PRDM15: variants seen among roughly 807,000 people sequenced by gnomAD.
The protein encoded by PRDM15 is PR/SET domain 15.
A neutral mutation model predicts 128.6 loss-of-function variants in PRDM15; 64 were observed. That is an observed-to-expected ratio of 0.50 (90% CI 0.41 to 0.61). The LOEUF (loss-of-function observed/expected upper bound fraction) is 0.61, where lower values mean the gene tolerates loss of function less well. Ranked by LOEUF, PRDM15 falls within the 20% of genes least tolerant of loss-of-function variation. The pLI, the probability that PRDM15 is intolerant of heterozygous loss-of-function variation, is 0.00. For synonymous variants in PRDM15, 615 were observed against 621.8 expected, an observed-to-expected ratio of 0.99 and a Z score of 0.16; for missense variants, 1,242 against 1,569.1, an observed-to-expected ratio of 0.79 and a Z score of 3.52.
In PRDM15 at chr21:41,804,542, T is replaced by C. The variant is rs1163230886; in HGVS notation, c.2725A>G (p.Ile909Val). ...TTTIDASSIG[I>V]VQPELTLEQE... is the part of the protein sequence containing the mutation. ...GGCCCCATGCTGCTCACCTGGACGA[T>C]GCCAATGGAGGAGGCGTCGATGGTG... Residue 909 changes from isoleucine to valine, a missense_variant, in exon 22 of 24, where the codon ATC becomes GTC. Physicochemically the swap from Ile to Val is conservative, Grantham distance 29 (BLOSUM62 3). Coordinates refer to ENST00000398548, the MANE Select transcript of PRDM15 (RefSeq NM_001040424.3). The C allele has an allele frequency of 1.3e-6, 2 of 1,566,744 alleles. No homozygotes were observed. The highest frequency in any genetic ancestry group is 1.7e-6 in the Non-Finnish European group (2 of 1,155,222).
At chr21:41,848,097 G>A (rs1236927169) in intron 5 of PRDM15, among the ~76,000 whole-genome samples, 12 of 152,162 alleles carry the variant, frequency 7.9e-5, no homozygotes, top group East Asian at 5.8e-4. Flanking sequence ...CTCTAATCAC[G>A]ATACAGCCTG....
chr21:41,839,246 CTGCCT>C (rs1169204787), intron 7 of PRDM15, among the ~76,000 whole-genome samples: 1 of 152,188 alleles, frequency 6.6e-6, no homozygotes, highest in Non-Finnish European at 1.5e-5. Context: ...AGGCTGTAAG[CTGCCT>C]GAAGGAGGCA....
At chr21:41,861,542 C>A (rs7280316) in intron 1 of PRDM15, 25 of 1,564,178 alleles carry the variant, frequency 1.6e-5, no homozygotes, top group East Asian at 9.1e-5. Context: ...CTGCCCCCCC[C>A]CAATCCCCAA....
At chr21:41,834,091 C>T (rs2839387) in intron 11 of PRDM15, among the ~76,000 whole-genome samples, 4,782 of 152,276 alleles carry the variant, frequency 0.031, 228 homozygotes, top group African/African-American at 0.11. Context: ...GGAGGTGCGG[C>T]ACACTGGAAA....
chr21:41,820,339 C>T (rs150221509), intron 16 of PRDM15, among the ~76,000 whole-genome samples, 165 bp from the exon 17 acceptor site: 192 of 152,310 alleles, frequency 1.3e-3, no homozygotes, highest in African/African-American at 4.4e-3. Context: ...AATCGTAACC[C>T]CCCGAATTCC....
Position 41,810,437 on chromosome 21 carries a change from G to T in PRDM15, c.2477-108C>A. On this transcript the variant is annotated intron_variant, in intron 20 of 23. Transcript: ENST00000398548. This position sits in a 1 kb window ranked among gnomAD's most constrained non-coding sequence, Gnocchi z 6.4. ...GCCTGCTGGACGAGGCAAGAAGCCT[G>T]TCACGCCCCGCCCATCCTGAGAGGG... The T allele has an allele frequency of 7.8e-7, 1 of 1,283,240 alleles. No homozygotes were observed. Among genetic ancestry groups the T allele is most frequent in the Non-Finnish European group, 1.1e-6 (1 of 931,386 alleles). 79.5% of individuals were successfully genotyped at this position (1,283,240 alleles called of 1,614,324 possible).
intron 14 of PRDM15, 142 bp downstream of exon 14, chr21:41,823,176 T>G: frequency 2.7e-6 from 3 of 1,103,188 alleles, no homozygotes; most frequent in Non-Finnish European, 2.6e-6. Context: ...GGCTTTGGGG[T>G]CTAGCCTCCA....
At chr21:41,806,025 C>T (rs1439167151) in intron 21 of PRDM15, among the ~76,000 whole-genome samples, 5 of 103,442 alleles carry the variant, frequency 4.8e-5, no homozygotes, top group African/African-American at 6.4e-5. Context: ...CCATCACCAC[C>T]ACCACCATCA....
intron 5 of PRDM15, among the ~76,000 whole-genome samples, chr21:41,852,398 G>A (rs1430022773): frequency 1.3e-5 from 2 of 152,206 alleles, no homozygotes; most frequent in Non-Finnish European, 2.9e-5. Flanking sequence ...CAGTTACTTG[G>A]GCTCTGCTCA....
chr21:41,868,382 G>A (rs2064089155), intron 1 of PRDM15, among the ~76,000 whole-genome samples: 1 of 152,128 alleles, frequency 6.6e-6, no homozygotes, highest in Admixed American at 6.5e-5. Context: ...CTGTTAGGAG[G>A]ATGTTTCGTT....
intron 18 of PRDM15, among the ~76,000 whole-genome samples, chr21:41,818,785 A>T (rs557092413): frequency 6.6e-6 from 1 of 152,234 alleles, no homozygotes; most frequent in Non-Finnish European, 1.5e-5. Context: ...TTTAAAAAAA[A>T]AATAAAAACA....
In PRDM15 at chr21:41,821,752, C is replaced by T. The variant is rs1309014528; in HGVS notation, c.1896+151G>A. On this transcript the variant is annotated intron_variant, in intron 15 of 23. Coordinates refer to ENST00000398548, the MANE Select transcript of PRDM15 (RefSeq NM_001040424.3). The surrounding 1 kb of genome is among the most constrained non-coding windows in gnomAD (Gnocchi z 5.4). ...CAGGCACAAGTGATGGACAGGCACC[C>T]AGTCTGCAGTAGGACCACTGGCCGG... 2 of 907,790 alleles carry T rather than the reference C, an allele frequency of 2.2e-6. No individual in the cohort carries two copies. The highest frequency in any genetic ancestry group is 2.2e-5 in the Admixed American group (1 of 45,286). The allele number at this position is 907,790 out of a possible 1,614,324, so 56.2% of individuals were successfully genotyped here. A position where few individuals can be genotyped will look rare whatever the true frequency, so the allele number is the denominator to read the frequency against.
intron 1 of PRDM15, among the ~76,000 whole-genome samples, chr21:41,864,325 T>C (rs117866891): frequency 0.058 from 8,860 of 152,190 alleles, 345 homozygotes; most frequent in Middle Eastern, 0.13. Context: ...ACATAAAATA[T>C]TAAATAATAA....
At chr21:41,843,835 GCT>G (rs1568970672) in intron 6 of PRDM15, among the ~76,000 whole-genome samples, 1 of 151,894 alleles carries the variant, frequency 6.6e-6, no homozygotes, top group East Asian at 1.9e-4. Flanking sequence ...TGTAGTTCCA[GCT>G]ACTTGGGAGG....
In PRDM15 at chr21:41,828,720, A is replaced by G. The variant is rs1244921307; in HGVS notation, c.1367-387T>C. 6.6e-6 allele frequency among the ~76,000 whole-genome samples: 1 copy of G among 150,788 alleles called. No homozygotes were observed. The highest frequency in any genetic ancestry group is 1.5e-5 in the Non-Finnish European group (1 of 67,918). On this transcript the variant is annotated intron_variant, in intron 11 of 23. Transcript: ENST00000398548. The surrounding 1 kb of genome is among the most constrained non-coding windows in gnomAD (Gnocchi z 5.7). ...GCATGACTGACTGACAGATAGAATG[A>G]CCTACCTACCAACCAACCAACCAAC...
intron 6 of PRDM15, among the ~76,000 whole-genome samples, chr21:41,841,071 G>A (rs1276437582): frequency 1.3e-5 from 2 of 152,134 alleles, no homozygotes; most frequent in African/African-American, 2.4e-5. Flanking sequence ...ATGTACAATA[G>A]GACACAGAGA....
Position 41,806,532 on chromosome 21 carries a change from CATCACT to C in PRDM15, c.2653-1924_2653-1919del, listed in dbSNP as rs1568883935. 6.8e-4 allele frequency among the ~76,000 whole-genome samples: 37 copies of C among 54,512 alleles called. 1 individual carries two copies. The highest frequency in any genetic ancestry group is 9.7e-4 in the Non-Finnish European group (29 of 29,806). The allele number at this position is 54,512 out of a possible 152,430, so 35.8% of individuals were successfully genotyped here. ...CCATCACCACCACCATCACCACCAC[CATCACT>C]ACCACCAACATCACCACCATCACCA... On this transcript the variant is annotated intron_variant, in intron 21 of 23. Transcript: ENST00000398548.
chr21:41,863,845 G>A (rs2063906361), intron 1 of PRDM15, among the ~76,000 whole-genome samples: 1 of 151,252 alleles, frequency 6.6e-6, no homozygotes, highest in African/African-American at 2.4e-5. Flanking sequence ...CATGCCCAAA[G>A]CATTTTTTTT....
chr21:41,872,422 C>G (rs2064245215), intron 1 of PRDM15, among the ~76,000 whole-genome samples: 1 of 152,122 alleles, frequency 6.6e-6, no homozygotes, highest in African/African-American at 2.4e-5. Context: ...ATATTGGCTG[C>G]CCTAACAAGT....
Sources: gnomAD v4.1 joint callset for allele counts (sites outside exome capture counted in the v4.1 genomes callset) on GRCh38, gnomAD v4.1.1 for gene constraint, Gnocchi (gnomAD v3.1) non-coding constraint, MANE v1.5 for transcripts, NCBI Gene and HGNC (gene_info 2026-07-23, HGNC 2026-07-21) for gene names.